Variants in ATAD2B observed in about 807,000 individuals in gnomAD.
ATAD2B encodes ATPase family AAA domain-containing protein 2B.
ATAD2B carries 40 observed loss-of-function variants against 167.6 expected under a neutral mutation model. The ratio of observed to expected loss-of-function variants is 0.24; its 90% confidence interval spans 0.19 to 0.31. The LOEUF (loss-of-function observed/expected upper bound fraction) is 0.31. Among genes scored for constraint, ATAD2B ranks in the 10% least tolerant of loss-of-function variants. The pLI, the probability that ATAD2B is intolerant of heterozygous loss-of-function variation, is 1.00. For synonymous variants in ATAD2B, 579 were observed against 596.5 expected (o/e 0.97, Z 0.43); for missense variants, 1,242 against 1,757.2 (o/e 0.71, Z 5.24).
At chr2:23,725,780 A>G in the ATAD2B span, among the ~76,000 whole-genome samples, 2 of 152,230 alleles carry the variant, frequency 1.3e-5, no homozygotes, top group Non-Finnish European at 1.5e-5. Context: ...ACATATAAAT[A>G]ATTACATTAA....
chr2:23,920,387 C>T (rs1393978484), intron 1 of ATAD2B, among the ~76,000 whole-genome samples: 1 of 152,174 alleles, frequency 6.6e-6, no homozygotes, highest in Non-Finnish European at 1.5e-5. Context: ...ATATGCATAC[C>T]ATGTGCACAT....
Position 23,888,356 on chromosome 2 carries a change from C to T in ATAD2B, c.412G>A (p.Gly138Ser), listed in dbSNP as rs1157313341. The stretch of plus-strand genomic sequence containing the variant: ...TTTATAATAGAATACTCACATAAGC[C>T]ACTATGTCCATTTGGTAATGTAGCA... ...PGATLPNGHSGLSLRSHPLRG... is the reference protein window; with the variant it reads ...PGATLPNGHSSLSLRSHPLRG... Residue 138 changes from glycine to serine, a missense_variant, in exon 3 of 28, where the codon GGC becomes AGC. Transcript: ENST00000238789. The T allele has an allele frequency of 1.3e-6, 2 of 1,588,176 alleles. No homozygotes were observed.
At chr2:23,687,456 C>T in the ATAD2B span, among the ~76,000 whole-genome samples, 1 of 152,228 alleles carries the variant, frequency 6.6e-6, no homozygotes, top group East Asian at 1.9e-4. Context: ...TGCCCCACAG[C>T]CACAGGACAG....
chr2:23,741,333 T>G, the ATAD2B span, among the ~76,000 whole-genome samples: 1 of 152,182 alleles, frequency 6.6e-6, no homozygotes, highest in Non-Finnish European at 1.5e-5. Context: ...CAAAACAGCA[T>G]GGTACTGGTA....
At chr2:23,798,009 A>C in intron 19 of ATAD2B, 129 bp downstream of exon 19, 1 of 565,166 alleles carries the variant, frequency 1.8e-6, no homozygotes, top group Non-Finnish European at 3.0e-6. Flanking sequence ...TACAGCTAAT[A>C]GGCAGTTACA....
chr2:23,784,583 T>C (rs1429343698), intron 21 of ATAD2B, among the ~76,000 whole-genome samples: 1 of 152,254 alleles, frequency 6.6e-6, no homozygotes, highest in East Asian at 1.9e-4. Flanking sequence ...AGAGTTTTCC[T>C]GAGCAAAAGC....
At chr2:23,755,723 T>C (rs1675872415) in intron 25 of ATAD2B, among the ~76,000 whole-genome samples, 1 of 152,208 alleles carries the variant, frequency 6.6e-6, no homozygotes, top group Non-Finnish European at 1.5e-5. Context: ...CTCATCCTCC[T>C]TCTCAATGCC....
chr2:23,759,415 C>T (rs1572640074), intron 24 of ATAD2B, among the ~76,000 whole-genome samples: 1 of 152,088 alleles, frequency 6.6e-6, no homozygotes, highest in Non-Finnish European at 1.5e-5. Flanking sequence ...AATGACAACC[C>T]TTGTTTCTTA....
chr2:23,889,064 A>G (rs1249378646), intron 2 of ATAD2B, among the ~76,000 whole-genome samples: 1 of 152,236 alleles, frequency 6.6e-6, no homozygotes, highest in Non-Finnish European at 1.5e-5. Context: ...AAGAGTTGTC[A>G]ATGCAAACTA....
At chr2:23,843,273 C>T (rs1412776959) in intron 13 of ATAD2B, among the ~76,000 whole-genome samples, 1 of 152,076 alleles carries the variant, frequency 6.6e-6, no homozygotes, top group Non-Finnish European at 1.5e-5. Flanking sequence ...TAAGTGAAGA[C>T]TGACTAAAGA....
rs1675152983 is a variant in ATAD2B, at chr2:23,749,724, A to C, written c.*2322T>G. ...CCATCTACATTACGGTTAAAAAAAC[A>C]AACAAACAAAAGCAACTTGATCTTT... On this transcript the variant is annotated 3_prime_UTR_variant, in exon 28 of 28. Coordinates refer to ENST00000238789, the MANE Select transcript of ATAD2B (RefSeq NM_017552.4). 6.6e-6 allele frequency: 1 copy of C among 152,148 alleles called. No individual in the cohort carries two copies. The allele number at this position is 152,148 out of a possible 1,614,324, so 9.4% of individuals were successfully genotyped here.
At chr2:23,877,967 C>T (rs947658732) in intron 7 of ATAD2B, among the ~76,000 whole-genome samples, 1 of 129,842 alleles carries the variant, frequency 7.7e-6, no homozygotes, top group African/African-American at 2.9e-5. Context: ...ATGCAGTGAG[C>T]CATGTTCGCA....
At chr2:23,767,291 G>T (rs1192929636) in intron 22 of ATAD2B, among the ~76,000 whole-genome samples, 1 of 152,040 alleles carries the variant, frequency 6.6e-6, no homozygotes, top group African/African-American at 2.4e-5. Flanking sequence ...ATCGGAATTA[G>T]TTTAGCCTGT....
rs902758105 is a variant in ATAD2B, at chr2:23,796,929, T to G, written c.2640+1209A>C. On this transcript the variant is annotated intron_variant, in intron 19 of 27. Coordinates refer to ENST00000238789, the MANE Select transcript of ATAD2B (RefSeq NM_017552.4). Reference sequence around the variant, plus strand: ...TCAATACCCTGGTTTTTCTAACTCTTGCTACATAAAGCATTCTATTAAACT... The same window carrying G: ...TCAATACCCTGGTTTTTCTAACTCTGGCTACATAAAGCATTCTATTAAACT... Among the ~76,000 whole-genome samples, 47 of 152,188 alleles carry G rather than the reference T, an allele frequency of 3.1e-4. 1 individual carries two copies. The highest frequency in any genetic ancestry group is 2.8e-3 in the Admixed American group (43 of 15,284).
At chr2:23,822,653 C>T (rs1012096963) in intron 16 of ATAD2B, among the ~76,000 whole-genome samples, 22 of 151,478 alleles carry the variant, frequency 1.5e-4, no homozygotes, top group Non-Finnish European at 2.4e-4. Flanking sequence ...GGGTGGCTCA[C>T]GCCTGTAATC....
rs999275507 is a variant in ATAD2B at position 23,850,707 on chromosome 2, G to A, written c.1568+6708C>T. Among the ~76,000 whole-genome samples, 7 of 152,266 alleles carry A rather than the reference G, an allele frequency of 4.6e-5. No homozygotes were observed. The East Asian group carries it at 1.4e-3, about 29-fold the overall frequency. ...TGAATGAATAGACGATTTGGGGGAAGTGAAAATATTCTGTATGATACTGTA... is the reference window on the plus strand; with the variant it reads ...TGAATGAATAGACGATTTGGGGGAAATGAAAATATTCTGTATGATACTGTA... On this transcript the variant is annotated intron_variant, in intron 13 of 27. Coordinates refer to ENST00000238789, the MANE Select transcript of ATAD2B (RefSeq NM_017552.4).
intron 18 of ATAD2B, among the ~76,000 whole-genome samples, chr2:23,800,958 T>C (rs765890990): frequency 2.0e-5 from 3 of 152,100 alleles, no homozygotes; most frequent in Non-Finnish European, 2.9e-5. Flanking sequence ...CCTAACTACA[T>C]GAAATACCAA....
intron 24 of ATAD2B, among the ~76,000 whole-genome samples, chr2:23,761,207 T>C (rs1298359297): frequency 1.3e-5 from 2 of 152,346 alleles, no homozygotes; most frequent in East Asian, 1.9e-4. Context: ...CATCGAGTCC[T>C]TTCTCAAACT....
the ATAD2B span, chr2:23,697,960 G>C: frequency 6.6e-6 from 1 of 152,210 alleles, no homozygotes; most frequent in Non-Finnish European, 1.5e-5. Flanking sequence ...TCTTGCTTTT[G>C]TCGGCTATTT....
Sources: allele counts gnomAD v4.1 joint callset (sites outside exome capture counted in the v4.1 genomes callset), GRCh38; gene constraint gnomAD v4.1.1; transcripts MANE v1.5; gene names NCBI Gene and HGNC (gene_info 2026-07-23, HGNC 2026-07-21).